EBF1: variants seen among roughly 807,000 people sequenced by gnomAD.
The protein encoded by EBF1 is transcription factor COE1.
EBF1 carries 10 observed loss-of-function variants against 68.4 expected under a neutral mutation model. That is an observed-to-expected ratio of 0.15 (90% CI 0.09 to 0.25). The LOEUF (loss-of-function observed/expected upper bound fraction) is 0.25, where lower values mean the gene tolerates loss of function less well. EBF1 is among the 10% of genes least tolerant of loss of function. The pLI is 1.00. For synonymous variants in EBF1, 298 were observed against 299.8 expected, an observed-to-expected ratio of 0.99 and a Z score of 0.06; for missense variants, 509 against 794.4, an observed-to-expected ratio of 0.64 and a Z score of 4.32.
Position 158,698,330 on chromosome 5 carries a change from G to T in EBF1, c.*781C>A, listed in dbSNP as rs1193714620. The T allele has an allele frequency of 4.5e-6, 1 of 223,306 alleles. No individual in the cohort carries two copies. Among genetic ancestry groups the T allele is most frequent in the African/African-American group, 2.2e-5 (1 of 44,738 alleles). The allele number at this position is 223,306 out of a possible 1,614,324, so 13.8% of individuals were successfully genotyped here. A position where few individuals can be genotyped will look rare whatever the true frequency, so the allele number is the denominator to read the frequency against. ...GAAGAAACTGACTTAAGTAAAAGGAGAGAATGAGATCAGATTTAAATATGC... is the reference window on the plus strand; with the variant it reads ...GAAGAAACTGACTTAAGTAAAAGGATAGAATGAGATCAGATTTAAATATGC... On this transcript the variant is annotated 3_prime_UTR_variant, in exon 16 of 16. Coordinates refer to ENST00000313708, the MANE Select transcript of EBF1 (RefSeq NM_024007.5).
chr5:158,941,516 G>A (rs1813388151), intron 6 of EBF1, among the ~76,000 whole-genome samples: 1 of 152,126 alleles, frequency 6.6e-6, no homozygotes, highest in African/African-American at 2.4e-5. Context: ...GATTTCCACT[G>A]AATTATCCAA....
intron 5 of EBF1, among the ~76,000 whole-genome samples, chr5:159,083,224 CA>C (rs1316591787): frequency 5.3e-5 from 8 of 151,988 alleles, no homozygotes. Flanking sequence ...GAGATATGGT[CA>C]AAAAGATAGT....
chr5:158,724,729 G>A (rs1265167043), intron 11 of EBF1, among the ~76,000 whole-genome samples: 1 of 152,180 alleles, frequency 6.6e-6, no homozygotes, highest in Non-Finnish European at 1.5e-5. Flanking sequence ...CAGTTGAAGT[G>A]AATAATATTT....
At chr5:159,008,524 CTTT>C (rs372441248) in intron 6 of EBF1, among the ~76,000 whole-genome samples, 1 of 138,290 alleles carries the variant, frequency 7.2e-6, no homozygotes, top group Non-Finnish European at 1.6e-5. Context: ...TTTTTCTTTT[CTTT>C]TTTTTTTTTT....
chr5:158,779,338 T>A (rs1775942119), intron 9 of EBF1, among the ~76,000 whole-genome samples: 1 of 152,120 alleles, frequency 6.6e-6, no homozygotes. Flanking sequence ...CTGATGCAGT[T>A]CAAAAAAGTC....
chr5:158,911,864 G>T (rs1806054327), intron 6 of EBF1, among the ~76,000 whole-genome samples: 3 of 152,176 alleles, frequency 2.0e-5, no homozygotes, highest in South Asian at 2.1e-4. Flanking sequence ...TCATCCCATT[G>T]TTATCCAATT....
At chr5:158,985,713 C>A (rs1326638019) in intron 6 of EBF1, 1 of 152,220 alleles carries the variant, frequency 6.6e-6, no homozygotes, top group Non-Finnish European at 1.5e-5. Flanking sequence ...CTATTATCCA[C>A]AAAAGCCATT....
chr5:158,728,826 A>G (rs150890038), intron 11 of EBF1, among the ~76,000 whole-genome samples: 1 of 152,304 alleles, frequency 6.6e-6, no homozygotes, highest in East Asian at 1.9e-4. Flanking sequence ...CTGCTTCCCA[A>G]ATTGCTGGGA....
intron 10 of EBF1, among the ~76,000 whole-genome samples, chr5:158,742,520 G>A (rs577683017): frequency 1.3e-4 from 20 of 152,350 alleles, no homozygotes; most frequent in African/African-American, 4.8e-4. Flanking sequence ...GCTAGAAACA[G>A]GGGCAGGTGC....
chr5:158,729,215 C>T (rs1763585877), intron 11 of EBF1, among the ~76,000 whole-genome samples: 1 of 152,192 alleles, frequency 6.6e-6, no homozygotes, highest in Non-Finnish European at 1.5e-5. Flanking sequence ...GACATTGAGG[C>T]ACAGAGAGGT....
chr5:158,872,539 G>A (rs1156622128), intron 6 of EBF1, among the ~76,000 whole-genome samples: 1 of 152,116 alleles, frequency 6.6e-6, no homozygotes, highest in Admixed American at 6.6e-5. Context: ...TAGAATGGAA[G>A]GAAATGAGAA....
chr5:158,864,223 C>CAAAAA (rs34498854), intron 6 of EBF1, among the ~76,000 whole-genome samples: 1 of 58,614 alleles, frequency 1.7e-5, no homozygotes, highest in African/African-American at 5.5e-5. Context: ...GACTCTGTCT[C>CAAAAA]AAAAAAAAAA....
chr5:158,699,987 T>A (rs1581126535), intron 15 of EBF1, among the ~76,000 whole-genome samples: 1 of 152,230 alleles, frequency 6.6e-6, no homozygotes, highest in Non-Finnish European at 1.5e-5. Flanking sequence ...GCTTTTCTGC[T>A]GTGAAGCTCA....
intron 6 of EBF1, among the ~76,000 whole-genome samples, chr5:159,062,801 A>G (rs758333940): frequency 2.0e-4 from 30 of 152,248 alleles, no homozygotes; most frequent in Admixed American, 1.2e-3. Context: ...CACATAGTTA[A>G]TAGAATATAT....
At chr5:158,821,954 G>A (rs146416630) in intron 8 of EBF1, among the ~76,000 whole-genome samples, 166 of 152,296 alleles carry the variant, frequency 1.1e-3, no homozygotes, top group African/African-American at 3.8e-3. Flanking sequence ...AGTACAGTTC[G>A]TGTGTTCCAT....
At chr5:158,981,945 A>G (rs1216184384) in intron 6 of EBF1, among the ~76,000 whole-genome samples, 2 of 152,210 alleles carry the variant, frequency 1.3e-5, no homozygotes, top group Non-Finnish European at 2.9e-5. Context: ...TACAGATCTG[A>G]GACTTGACTC....
intron 8 of EBF1, among the ~76,000 whole-genome samples, chr5:158,820,952 A>C (rs1562024015): frequency 6.6e-6 from 1 of 152,164 alleles, no homozygotes; most frequent in Non-Finnish European, 1.5e-5. Flanking sequence ...GTGTCCAAAA[A>C]TTTTGTAATT....
chr5:158,898,340 G>C (rs1387340089), intron 6 of EBF1, among the ~76,000 whole-genome samples: 2 of 152,128 alleles, frequency 1.3e-5, no homozygotes, highest in African/African-American at 4.8e-5. Context: ...GACGCTGACA[G>C]AAAAGTTCTT....
At position 158,847,574 on chromosome 5, in the gene EBF1, G is replaced by A. The variant is rs1562105386; in HGVS notation, c.555-7464C>T. On this transcript the variant is annotated intron_variant, in intron 6 of 15. Coordinates refer to ENST00000313708, the MANE Select transcript of EBF1 (RefSeq NM_024007.5). ...AAGAATTCTAAGTTCATGTGTGGTA[G>A]AGAAGATGTTTATCCTCACGGATGT... Among the ~76,000 whole-genome samples the A allele has an allele frequency of 3.3e-5, 5 of 152,344 alleles. No individual in the cohort carries two copies. In the South Asian group the frequency reaches 1.0e-3, roughly 32 times the overall value.
Sources: allele counts gnomAD v4.1 joint callset (sites outside exome capture counted in the v4.1 genomes callset), GRCh38; gene constraint gnomAD v4.1.1; transcripts MANE v1.5; gene names NCBI Gene and HGNC (gene_info 2026-07-23, HGNC 2026-07-21).